SH3RF2: variants seen among roughly 807,000 people sequenced by gnomAD.
SH3RF2 encodes SH3 domain containing ring finger 2, also known as E3 ubiquitin-protein ligase SH3RF2.
SH3RF2 carries 43 observed loss-of-function variants against 59.0 expected under a neutral mutation model. The observed-to-expected ratio is 0.73, with a 90% CI of 0.57 to 0.94. The LOEUF (loss-of-function observed/expected upper bound fraction) is 0.94, where lower values mean the gene tolerates loss of function less well. Ranked by LOEUF, SH3RF2 falls within the 40% of genes least tolerant of loss-of-function variation. The probability of loss-of-function intolerance (pLI) is 0.00; values close to 1 mark genes in which losing one functional copy is unlikely to be tolerated. For missense variants in SH3RF2, 930 were observed against 940.1 expected, an observed-to-expected ratio of 0.99 and a Z score of 0.14; for synonymous variants, 391 against 391.5, an observed-to-expected ratio of 1.00 and a Z score of 0.01.
Position 146,001,893 on chromosome 5 carries a change from A to G in SH3RF2, c.648+1566A>G, listed in dbSNP as rs149969334. On this transcript the variant is annotated intron_variant, in intron 3 of 9. Transcript: ENST00000359120. ...AATACACAGACTTCTAGGAAATCTC[A>G]TGGTCTAAACTCAGCATATCCAAAT... is the stretch of plus-strand genomic sequence containing the variant. 6.5e-3 allele frequency among the ~76,000 whole-genome samples: 994 copies of G among 152,326 alleles called. 15 individuals are homozygous for G. Among genetic ancestry groups the G allele is most frequent in the African/African-American group, 0.023 (949 of 41,572 alleles).
intron 5 of SH3RF2, among the ~76,000 whole-genome samples, chr5:146,017,987 T>C (rs1761169854): frequency 6.6e-6 from 1 of 152,242 alleles, no homozygotes; most frequent in African/African-American, 2.4e-5. Flanking sequence ...TTTACAAACA[T>C]ATGACTGTCC....
rs1377070714 is a variant in SH3RF2, at chr5:145,968,668, T to C, written c.378+30362T>C. On this transcript the variant is annotated intron_variant, in intron 2 of 9. Coordinates refer to ENST00000359120, the MANE Select transcript of SH3RF2 (RefSeq NM_152550.4). ...AATCCATCAACATATTATTTCAACA[T>C]GTAATCAATACAAAAACTATTGAGA... is the stretch of plus-strand genomic sequence containing the variant. 2.7e-4 allele frequency among the ~76,000 whole-genome samples: 41 copies of C among 152,278 alleles called. 1 individual carries two copies. The highest frequency in any genetic ancestry group is 2.4e-3 in the Admixed American group (37 of 15,292).
chr5:145,965,460 A>G (rs957024868), intron 2 of SH3RF2, among the ~76,000 whole-genome samples: 2 of 151,994 alleles, frequency 1.3e-5, no homozygotes, highest in Admixed American at 1.3e-4. Flanking sequence ...TTTTTTTGCC[A>G]TCTAGAGCCA....
intron 7 of SH3RF2, among the ~76,000 whole-genome samples, chr5:146,053,034 A>C (rs1476321778): frequency 6.6e-6 from 1 of 152,154 alleles, no homozygotes; most frequent in Non-Finnish European, 1.5e-5. Flanking sequence ...CAAAGGTGTG[A>C]GCATTTGAAC....
At position 146,062,438 on chromosome 5, in the gene SH3RF2, G is replaced by A. The variant is rs1182882077; in HGVS notation, c.1927G>A (p.Val643Met). ...CTTTCTCTTGCAGCAAGTCAAAACC[G>A]TGAGATTTCAGAATTACAGCCCTCC... ...RNGIEKQVKT[V>M]RFQNYSPPPT... The change falls in exon 10 of 10, where the codon GTG (valine) becomes ATG (methionine). Residue 643 changes from valine (V) to methionine (M), a missense_variant. Transcript: ENST00000359120. 22 of 1,613,676 alleles carry A rather than the reference G, an allele frequency of 1.4e-5. No individual in the cohort carries two copies. The highest frequency in any genetic ancestry group is 3.3e-5 in the Admixed American group (2 of 59,982).
intron 3 of SH3RF2, among the ~76,000 whole-genome samples, chr5:146,002,558 T>C (rs1020386109): frequency 6.6e-6 from 1 of 151,446 alleles, no homozygotes; most frequent in East Asian, 2.0e-4. Context: ...AATGCATAAT[T>C]GCACATGTGT....
At chr5:145,954,267 G>C (rs1758307002) in intron 2 of SH3RF2, among the ~76,000 whole-genome samples, 1 of 152,220 alleles carries the variant, frequency 6.6e-6, no homozygotes, top group East Asian at 1.9e-4. Context: ...GTGTGAGATG[G>C]TATCTCACTG....
intron 5 of SH3RF2, among the ~76,000 whole-genome samples, chr5:146,029,421 C>G (rs1443393635): frequency 6.6e-6 from 1 of 152,122 alleles, no homozygotes; most frequent in African/African-American, 2.4e-5. Flanking sequence ...ATAAAGGGAT[C>G]AATTATCCAT....
intron 4 of SH3RF2, among the ~76,000 whole-genome samples, chr5:146,006,958 C>T (rs2149988410): frequency 6.6e-6 from 1 of 152,242 alleles, no homozygotes; most frequent in East Asian, 1.9e-4. Flanking sequence ...GTTGTATCAC[C>T]AACTAAATGC....
At chr5:146,053,327 TA>T (rs1181562029) in intron 7 of SH3RF2, among the ~76,000 whole-genome samples, 1 of 152,154 alleles carries the variant, frequency 6.6e-6, no homozygotes, top group Non-Finnish European at 1.5e-5. Flanking sequence ...TCAGGTTATA[TA>T]GAACATTTGT....
At chr5:145,998,108 G>C (rs1171043336) in intron 2 of SH3RF2, 4 of 529,254 alleles carry the variant, frequency 7.6e-6, no homozygotes, top group African/African-American at 3.8e-5. Context: ...CTGATACATA[G>C]AGTATTATTT....
chr5:146,060,788 A>G (rs1168134528), intron 9 of SH3RF2, among the ~76,000 whole-genome samples: 1 of 152,214 alleles, frequency 6.6e-6, no homozygotes, highest in Non-Finnish European at 1.5e-5. Context: ...AATGACTCCA[A>G]CTACCTTATT....
chr5:146,015,600 C>T (rs1366556332), intron 5 of SH3RF2, among the ~76,000 whole-genome samples: 3 of 152,212 alleles, frequency 2.0e-5, no homozygotes, highest in Non-Finnish European at 4.4e-5. Flanking sequence ...AATAAGCTAG[C>T]TCACTCAGCT....
chr5:146,040,936 C>T (rs1762102377), intron 5 of SH3RF2, among the ~76,000 whole-genome samples: 1 of 152,172 alleles, frequency 6.6e-6, no homozygotes, highest in Non-Finnish European at 1.5e-5. Flanking sequence ...GCCTGCAGAC[C>T]TATTCCATAT....
intron 4 of SH3RF2, among the ~76,000 whole-genome samples, chr5:146,010,242 T>C (rs1339333371): frequency 1.3e-5 from 2 of 152,236 alleles, no homozygotes; most frequent in Non-Finnish European, 2.9e-5. Context: ...TATTCCATGG[T>C]GTATATGTGC....
chr5:146,012,050 G>A lies in SH3RF2; in HGVS notation c.745-1697G>A, dbSNP rs557971562. Among the ~76,000 whole-genome samples the A allele has an allele frequency of 3.8e-3, 576 of 152,178 alleles. 3 individuals carry two copies. The highest frequency in any genetic ancestry group is 0.013 in the African/African-American group (527 of 41,504). The stretch of plus-strand genomic sequence containing the variant: ...AATAGCTCTTATTATTTTGAGATAC[G>A]TCCCATCAATACCTAATTTATTGAG... On this transcript the variant is annotated intron_variant, in intron 4 of 9. Transcript: ENST00000359120.
chr5:145,958,638 G>C (rs1405586376), intron 2 of SH3RF2, among the ~76,000 whole-genome samples: 1 of 152,190 alleles, frequency 6.6e-6, no homozygotes, highest in East Asian at 1.9e-4. Flanking sequence ...CAAATGTGCA[G>C]CGTAGGCCTA....
chr5:145,949,878 G>A (rs1417238825), intron 2 of SH3RF2, among the ~76,000 whole-genome samples: 5 of 152,168 alleles, frequency 3.3e-5, no homozygotes, highest in African/African-American at 1.2e-4. Flanking sequence ...GTTTTCTGCA[G>A]CTTTTCAAAC....
intron 2 of SH3RF2, among the ~76,000 whole-genome samples, chr5:145,970,120 C>T (rs1158421764): frequency 6.6e-6 from 1 of 151,866 alleles, no homozygotes; most frequent in Non-Finnish European, 1.5e-5. Flanking sequence ...ATTATTGTTC[C>T]ATTTTATTTT....
Sources: gnomAD v4.1 joint callset for allele counts (sites outside exome capture counted in the v4.1 genomes callset) on GRCh38, gnomAD v4.1.1 for gene constraint, MANE v1.5 for transcripts, NCBI Gene and HGNC (gene_info 2026-07-23, HGNC 2026-07-21) for gene names.